MAD1L1: variants seen among roughly 807,000 people sequenced by gnomAD.
The protein encoded by MAD1L1 is mitotic spindle assembly checkpoint protein MAD1.
Under a neutral mutation model 96.9 loss-of-function variants are expected in MAD1L1, and 95 were observed. That is an observed-to-expected ratio of 0.98 (90% CI 0.83 to 1.16). The LOEUF is 1.16. MAD1L1 is among the 50% of genes most tolerant of loss of function. The probability of loss-of-function intolerance (pLI) is 0.00; values close to 1 mark genes in which losing one functional copy is unlikely to be tolerated. For missense variants in MAD1L1, 1,007 were observed against 954.4 expected (o/e 1.06, Z -0.73); for synonymous variants, 473 against 396.6 (o/e 1.19, Z -2.29).
At chr7:2,206,331 A>G (rs1792595175) in intron 10 of MAD1L1, among the ~76,000 whole-genome samples, 1 of 152,148 alleles carries the variant, frequency 6.6e-6, no homozygotes, top group Non-Finnish European at 1.5e-5. Context: ...GAAGTTTTCA[A>G]TTTTGATGAA....
At chr7:2,216,413 C>G (rs1216097265) in intron 7 of MAD1L1, 126 bp from the exon 8 acceptor site, 1 of 911,894 alleles carries the variant, frequency 1.1e-6, no homozygotes, top group African/African-American at 1.7e-5. Context: ...CAGGATCCAA[C>G]CACAGGACGT....
At chr7:2,030,046 C>A (rs1295941042) in intron 12 of MAD1L1, among the ~76,000 whole-genome samples, 1 of 152,210 alleles carries the variant, frequency 6.6e-6, no homozygotes, top group Non-Finnish European at 1.5e-5. Context: ...CCGGGCTCAC[C>A]ACATTCAGGG....
chr7:1,859,925 G>A (rs1784447169), intron 18 of MAD1L1, among the ~76,000 whole-genome samples: 1 of 132,364 alleles, frequency 7.6e-6, no homozygotes, highest in African/African-American at 4.2e-5. Flanking sequence ...CATCCTGCGG[G>A]GCGGCCTCTG....
intron 15 of MAD1L1, among the ~76,000 whole-genome samples, chr7:1,971,035 T>C (rs1379269647): frequency 1.3e-5 from 2 of 152,174 alleles, no homozygotes; most frequent in African/African-American, 4.8e-5. Flanking sequence ...TTCAGTAGTG[T>C]GGAGATGCAT....
intron 18 of MAD1L1, among the ~76,000 whole-genome samples, chr7:1,896,847 G>A (rs1350964571): frequency 1.3e-5 from 2 of 152,216 alleles, no homozygotes; most frequent in Non-Finnish European, 2.9e-5. Flanking sequence ...AGTGATAACT[G>A]TTCATGGTAC....
chr7:1,961,525 T>C (rs548038290), intron 15 of MAD1L1, among the ~76,000 whole-genome samples: 97 of 152,336 alleles, frequency 6.4e-4, no homozygotes, highest in African/African-American at 2.2e-3. Context: ...CTGGGTGTTC[T>C]TGGGGGAAAT....
At chr7:2,006,838 C>T (rs970472733) in intron 13 of MAD1L1, among the ~76,000 whole-genome samples, 7 of 152,146 alleles carry the variant, frequency 4.6e-5, no homozygotes, top group African/African-American at 7.2e-5. Context: ...CTCCAAAATG[C>T]GCTAGAACTT....
At chr7:1,928,789 C>G (rs1789252369) in intron 17 of MAD1L1, among the ~76,000 whole-genome samples, 1 of 152,174 alleles carries the variant, frequency 6.6e-6, no homozygotes, top group Non-Finnish European at 1.5e-5. Flanking sequence ...CACGTGAGAG[C>G]TGGGCACTGA....
In MAD1L1 at chr7:1,902,309, C is replaced by T. The variant is rs540782992; in HGVS notation, c.1808-3919G>A. Among the ~76,000 whole-genome samples the T allele has an allele frequency of 3.9e-5, 6 of 152,280 alleles. No homozygotes were observed. The South Asian group carries it at 1.2e-3, about 32-fold the overall frequency. ...GGGCCGGGATGTCAGGATAAAGGAG[C>T]ATTTACAGCACTTATCTCAAGAGGC... On this transcript the variant is annotated intron_variant, in intron 17 of 18. Transcript: ENST00000265854.
chr7:2,143,305 G>A (rs1348432121), intron 11 of MAD1L1, among the ~76,000 whole-genome samples: 1 of 150,862 alleles, frequency 6.6e-6, no homozygotes, highest in East Asian at 2.0e-4. Flanking sequence ...GTGCAAGAGG[G>A]GAACAGCCCA....
chr7:1,961,942 A>G (rs1779969581), intron 15 of MAD1L1, among the ~76,000 whole-genome samples: 1 of 151,346 alleles, frequency 6.6e-6, no homozygotes, highest in African/African-American at 2.4e-5. Flanking sequence ...GTGTTGTGGC[A>G]GGGACGTGGT....
chr7:1,915,508 G>C (rs1040833665), intron 17 of MAD1L1, among the ~76,000 whole-genome samples: 1 of 152,212 alleles, frequency 6.6e-6, no homozygotes, highest in Non-Finnish European at 1.5e-5. Flanking sequence ...GCCGACGCGG[G>C]ACGTACGTGG....
intron 13 of MAD1L1, among the ~76,000 whole-genome samples, chr7:2,004,579 C>A (rs1781948151): frequency 6.6e-6 from 1 of 152,238 alleles, no homozygotes; most frequent in Admixed American, 6.5e-5. Context: ...CCTCCCGACA[C>A]AGAATCACTG....
chr7:1,837,505 G>A (rs577663246), intron 18 of MAD1L1, among the ~76,000 whole-genome samples: 3 of 152,330 alleles, frequency 2.0e-5, no homozygotes, highest in South Asian at 4.1e-4. Flanking sequence ...AATGTTCACT[G>A]TACACTTTAT....
In MAD1L1 at chr7:2,216,253, T is replaced by C; in HGVS notation, c.713A>G (p.Asp238Gly). ...LEQKLSLQEQ[D>G]AAIVKNMKSE... ...CTTCATGTTCTTCACAATCGCTGCATCCTGCTCTTGCAGGGACAGCTTCTG... is the reference window on the plus strand; with the variant it reads ...CTTCATGTTCTTCACAATCGCTGCACCCTGCTCTTGCAGGGACAGCTTCTG... The change falls in exon 8 of 19, where the codon GAT becomes GGT. Residue 238 changes from aspartate to glycine, a missense_variant. Physicochemically the swap from Asp to Gly is moderately conservative, Grantham distance 94. Coordinates refer to ENST00000265854, the MANE Select transcript of MAD1L1 (RefSeq NM_001013836.2). 6.2e-7 allele frequency: 1 copy of C among 1,614,174 alleles called. No individual in the cohort carries two copies. The highest frequency in any genetic ancestry group is 1.3e-5 in the African/African-American group (1 of 75,072).
At chr7:1,963,291 A>C (rs1316721540) in intron 15 of MAD1L1, among the ~76,000 whole-genome samples, 1 of 152,114 alleles carries the variant, frequency 6.6e-6, no homozygotes, top group Admixed American at 6.5e-5. Context: ...CTCTCCCCCA[A>C]CCAGCCATGC....
At chr7:2,144,576 C>A (rs1340083835) in intron 11 of MAD1L1, among the ~76,000 whole-genome samples, 1 of 152,174 alleles carries the variant, frequency 6.6e-6, no homozygotes. Flanking sequence ...CGGGCTGGGC[C>A]ACAGAGGACT....
chr7:2,071,902 G>A (rs1785148356), intron 11 of MAD1L1, among the ~76,000 whole-genome samples: 1 of 152,204 alleles, frequency 6.6e-6, no homozygotes. Flanking sequence ...TGTTCCTGGA[G>A]GGTGGGGAGG....
intron 5 of MAD1L1, chr7:2,220,832 C>A (rs750503311): frequency 9.1e-6 from 14 of 1,532,720 alleles, no homozygotes; most frequent in Non-Finnish European, 1.1e-5. Flanking sequence ...TAAAAACATA[C>A]TAACAATAAA....
Sources: gnomAD v4.1 joint callset for allele counts (sites outside exome capture counted in the v4.1 genomes callset) on GRCh38, gnomAD v4.1.1 for gene constraint, MANE v1.5 for transcripts, NCBI Gene and HGNC (gene_info 2026-07-23, HGNC 2026-07-21) for gene names.